The following TTC29 variants were observed in gnomAD, a reference collection of about 807,000 sequenced individuals.
TTC29 encodes the protein tetratricopeptide repeat domain 29.
A neutral mutation model predicts 58.1 loss-of-function variants in TTC29; 49 were observed. That is an observed-to-expected ratio of 0.84 (90% CI 0.67 to 1.07). The LOEUF (loss-of-function observed/expected upper bound fraction) is 1.07, where lower values mean the gene tolerates loss of function less well. Among genes scored for constraint, TTC29 ranks in the 50% least tolerant of loss-of-function variants. The pLI, the probability that TTC29 is intolerant of heterozygous loss-of-function variation, is 0.00. For missense variants in TTC29, 582 were observed against 555.6 expected (o/e 1.05, Z -0.48); for synonymous variants, 209 against 196.8 (o/e 1.06, Z -0.52).
Position 146,731,002 on chromosome 4 carries a change from A to C in TTC29, c.1331-23451T>G, listed in dbSNP as rs1051480939. On this transcript the variant is annotated intron_variant, in intron 11 of 12. Coordinates refer to ENST00000325106, the MANE Select transcript of TTC29 (RefSeq NM_031956.4). Reference sequence around the variant, plus strand: ...ACCATAGCATTTTTCTATGCTGATGAGAATGATCTACAGATCATTTGATGC... The same window carrying C: ...ACCATAGCATTTTTCTATGCTGATGCGAATGATCTACAGATCATTTGATGC... Among the ~76,000 whole-genome samples, 32 of 152,196 alleles carry C rather than the reference A, an allele frequency of 2.1e-4. 1 individual carries two copies. The highest frequency in any genetic ancestry group is 2.1e-3 in the Admixed American group (32 of 15,266).
intron 11 of TTC29, among the ~76,000 whole-genome samples, chr4:146,713,729 A>G (rs1742703170): frequency 6.6e-6 from 1 of 152,164 alleles, no homozygotes. Context: ...AGTATATTCC[A>G]ATTCAAAAGT....
intron 10 of TTC29, among the ~76,000 whole-genome samples, chr4:146,810,588 C>CT (rs398051307): frequency 0.28 from 26,839 of 96,354 alleles, 4,145 homozygotes; most frequent in East Asian, 0.36. Flanking sequence ...TACATACCTT[C>CT]TTTTTTTTTT....
At chr4:146,927,080 C>CAAAAAAAAAA (rs55786171) in intron 4 of TTC29, among the ~76,000 whole-genome samples, 3 of 110,072 alleles carry the variant, frequency 2.7e-5, no homozygotes, top group African/African-American at 3.1e-5. Context: ...GACCCCATCT[C>CAAAAAAAAAA]AAAAAAAAAA....
intron 11 of TTC29, among the ~76,000 whole-genome samples, chr4:146,763,443 T>C (rs1747057772): frequency 6.6e-6 from 1 of 152,024 alleles, no homozygotes. Flanking sequence ...ATCTCAGGCC[T>C]CCCAGCTCTA....
At chr4:146,813,735 G>C (rs1751182722) in intron 10 of TTC29, among the ~76,000 whole-genome samples, 1 of 152,180 alleles carries the variant, frequency 6.6e-6, no homozygotes, top group Non-Finnish European at 1.5e-5. Flanking sequence ...TAGGTAGCCA[G>C]CACTTTGGGA....
At chr4:146,826,759 C>T (rs889206971) in intron 9 of TTC29, among the ~76,000 whole-genome samples, 1 of 151,994 alleles carries the variant, frequency 6.6e-6, no homozygotes, top group Admixed American at 6.6e-5. Flanking sequence ...CATTTGTAGG[C>T]TCGGTCTTTT....
intron 11 of TTC29, among the ~76,000 whole-genome samples, chr4:146,708,928 G>T (rs1221855272): frequency 3.3e-5 from 5 of 151,984 alleles, no homozygotes; most frequent in African/African-American, 9.7e-5. Flanking sequence ...TACTGCACCT[G>T]AAGATGGGTT....
chr4:146,876,195 A>G (rs1470057346), intron 6 of TTC29, among the ~76,000 whole-genome samples: 2 of 152,212 alleles, frequency 1.3e-5, no homozygotes, highest in Non-Finnish European at 2.9e-5. Flanking sequence ...TACTATTGTG[A>G]GAAATGAATT....
rs76126517 is a variant in TTC29 at position 146,707,785 on chromosome 4, C to A, written c.1331-234G>T. On this transcript the variant is annotated intron_variant, in intron 11 of 12. Coordinates refer to ENST00000325106, the MANE Select transcript of TTC29 (RefSeq NM_031956.4). ...CAATCCCCCATGAAGAAGTAGAATC[C>A]AGTTTTCTTCTTGAAATTGAGCTAC... 3.8e-3 allele frequency among the ~76,000 whole-genome samples: 572 copies of A among 152,214 alleles called. 4 individuals carry two copies. Among genetic ancestry groups the A allele is most frequent in the African/African-American group, 0.013 (546 of 41,540 alleles).
At chr4:146,923,508 T>TA (rs35818884) in intron 4 of TTC29, among the ~76,000 whole-genome samples, 6 of 151,280 alleles carry the variant, frequency 4.0e-5, no homozygotes, top group Non-Finnish European at 8.9e-5. Context: ...AAATAGAAAC[T>TA]AAAAAAAAGT....
chr4:146,719,538 G>T (rs1046411895), intron 11 of TTC29, among the ~76,000 whole-genome samples: 1 of 152,148 alleles, frequency 6.6e-6, no homozygotes, highest in South Asian at 2.1e-4. Flanking sequence ...GGCTTGGAAA[G>T]ACTGATTTAT....
intron 6 of TTC29, among the ~76,000 whole-genome samples, chr4:146,890,244 G>T (rs1288717841): frequency 1.3e-5 from 2 of 152,112 alleles, no homozygotes; most frequent in Non-Finnish European, 2.9e-5. Flanking sequence ...AGTACTGGGG[G>T]TTAAGAGCTC....
At chr4:146,763,984 T>G (rs1440389061) in intron 11 of TTC29, 1 of 152,118 alleles carries the variant, frequency 6.6e-6, no homozygotes, top group Non-Finnish European at 1.5e-5. Flanking sequence ...GGACAATGAC[T>G]GCACCTACCT....
At chr4:146,880,403 C>A in intron 6 of TTC29, among the ~76,000 whole-genome samples, 1 of 152,044 alleles carries the variant, frequency 6.6e-6, no homozygotes, top group East Asian at 1.9e-4. Context: ...ATCTAAAGCC[C>A]ACACAAACAA....
At chr4:146,942,683 C>A (rs1353951225) in intron 2 of TTC29, 1 of 1,460,706 alleles carries the variant, frequency 6.8e-7, no homozygotes. Context: ...ACCAGTGTAG[C>A]CCTAGTAAAT....
At chr4:146,730,756 T>A (rs1744273737) in intron 11 of TTC29, among the ~76,000 whole-genome samples, 1 of 152,172 alleles carries the variant, frequency 6.6e-6, no homozygotes, top group African/African-American at 2.4e-5. Flanking sequence ...TGTTTGGCGA[T>A]GCGAAAGCCA....
chr4:146,822,045 T>C (rs534964026), intron 9 of TTC29, among the ~76,000 whole-genome samples: 15 of 150,456 alleles, frequency 1.0e-4, no homozygotes, highest in African/African-American at 3.7e-4. Flanking sequence ...CTTTTAGCTA[T>C]TTCTAAAGAC....
intron 11 of TTC29, among the ~76,000 whole-genome samples, chr4:146,736,094 A>T (rs1382209406): frequency 6.6e-6 from 1 of 152,100 alleles, no homozygotes; most frequent in East Asian, 1.9e-4. Flanking sequence ...GTTTGGAGAA[A>T]TGTGAAGGTT....
chr4:146,713,199 C>T, intron 11 of TTC29, among the ~76,000 whole-genome samples: 1 of 150,616 alleles, frequency 6.6e-6, no homozygotes, highest in East Asian at 2.0e-4. Context: ...CAAATGTTTT[C>T]CTTTAGCAAA....
Sources: allele counts gnomAD v4.1 joint callset (sites outside exome capture counted in the v4.1 genomes callset), GRCh38; gene constraint gnomAD v4.1.1; transcripts MANE v1.5; gene names NCBI Gene and HGNC (gene_info 2026-07-23, HGNC 2026-07-21).